MAP2: variants seen among roughly 807,000 people sequenced by gnomAD.
MAP2 encodes microtubule-associated protein 2.
A neutral mutation model predicts 137.6 loss-of-function variants in MAP2; 14 were observed. The ratio of observed to expected loss-of-function variants is 0.10; its 90% CI spans 0.07 to 0.16. The LOEUF is 0.16. Ranked by LOEUF, MAP2 falls within the 10% of genes least tolerant of loss-of-function variation. MAP2 has a pLI of 1.00. For synonymous variants in MAP2, 786 were observed against 782.3 expected (o/e 1.00, Z -0.08); for missense variants, 2,088 against 2,191.5 (o/e 0.95, Z 0.94).
chr2:209,429,553 A>C (rs1024273791), intron 1 of MAP2, among the ~76,000 whole-genome samples: 3 of 152,174 alleles, frequency 2.0e-5, no homozygotes, highest in African/African-American at 7.2e-5. Flanking sequence ...AAATATTCCT[A>C]ATTACATTTC....
chr2:209,607,835 A>T (rs1455705393), intron 3 of MAP2, among the ~76,000 whole-genome samples: 1 of 152,192 alleles, frequency 6.6e-6, no homozygotes, highest in East Asian at 1.9e-4. Flanking sequence ...CCTAATTCTG[A>T]AAGCCCCAGT....
In MAP2 at chr2:209,636,578, T is replaced by TAC. The variant is rs199977019; in HGVS notation, c.-30+11462_-30+11463dup. Among the ~76,000 whole-genome samples the TAC allele has an allele frequency of 5.8e-4, 84 of 144,750 alleles. 1 individual carries two copies. The highest frequency in any genetic ancestry group is 1.8e-3 in the African/African-American group (66 of 37,240). The allele number at this position is 144,750 out of a possible 152,430, so 95.0% of individuals were successfully genotyped here. ...TACGTATATATTATATATATATATATACACACACACACACTTATAAGCAAC... is the reference window on the plus strand; with the variant it reads ...TACGTATATATTATATATATATATATACACACACACACACACTTATAAGCAAC... On this transcript the variant is annotated intron_variant, in intron 4 of 15. Transcript: ENST00000682079.
rs1298683768 is a variant in MAP2 at position 209,693,680 on chromosome 2, G to C, written c.1510G>C (p.Glu504Gln). ...ACAGGACTCGTTCCCTGTAAGTTTG[G>C]AGCAAGCAGTTACAGATTCAGCCAT... Reference protein sequence around the residue: ...LKQDSFPVSLEQAVTDSAMTS... With the variant: ...LKQDSFPVSLQQAVTDSAMTS... The change falls in exon 8 of 16, where the codon GAG (glutamate) becomes CAG (glutamine). Residue 504 changes from glutamate (E) to glutamine (Q), a missense_variant. Around this residue, in one of 6 missense-constraint regions of MAP2, gnomAD observed 859 missense variants for 794.5 expected, o/e 1.08. Transcript: ENST00000682079. 2.5e-6 allele frequency: 4 copies of C among 1,613,564 alleles called. No homozygotes were observed. Among genetic ancestry groups the C allele is most frequent in the Admixed American group, 3.3e-5 (2 of 59,962 alleles).
At chr2:209,547,026 A>G (rs959326075) in intron 2 of MAP2, among the ~76,000 whole-genome samples, 4 of 152,242 alleles carry the variant, frequency 2.6e-5, no homozygotes, top group Admixed American at 6.5e-5. Context: ...TTTGGAAAGA[A>G]AATAGAATTC....
intron 11 of MAP2, chr2:209,704,592 G>T (rs140853125): frequency 6.2e-7 from 1 of 1,603,894 alleles, no homozygotes; most frequent in Admixed American, 1.7e-5. Flanking sequence ...TCCACAGACC[G>T]TTTGCCATAC....
intron 2 of MAP2, among the ~76,000 whole-genome samples, chr2:209,528,139 C>T (rs771766130): frequency 2.5e-4 from 33 of 132,436 alleles, no homozygotes; most frequent in Non-Finnish European, 4.6e-4. Context: ...ATTCAAGTTT[C>T]TAGAAGACTG....
At chr2:209,660,987 G>T (rs904345728) in intron 5 of MAP2, among the ~76,000 whole-genome samples, 4 of 148,526 alleles carry the variant, frequency 2.7e-5, no homozygotes, top group African/African-American at 7.5e-5. Flanking sequence ...CTCGTGATCC[G>T]CCCGCCTCGG....
intron 2 of MAP2, among the ~76,000 whole-genome samples, chr2:209,551,378 G>A (rs2069134589): frequency 6.6e-6 from 1 of 152,028 alleles, no homozygotes. Context: ...TTTAAGGGTA[G>A]CATACATAAA....
intron 1 of MAP2, among the ~76,000 whole-genome samples, chr2:209,466,674 C>T (rs1452158825): frequency 6.6e-6 from 1 of 152,154 alleles, no homozygotes; most frequent in Non-Finnish European, 1.5e-5. Flanking sequence ...TGAGTGATTC[C>T]ATGATCTAAA....
intron 1 of MAP2, among the ~76,000 whole-genome samples, chr2:209,451,723 G>A (rs1002024923): frequency 6.6e-6 from 1 of 152,194 alleles, no homozygotes; most frequent in East Asian, 1.9e-4. Flanking sequence ...CAAACTTGCT[G>A]CTGGGTGTAT....
chr2:209,647,074 C>A (rs996782662), intron 4 of MAP2, among the ~76,000 whole-genome samples: 1 of 152,114 alleles, frequency 6.6e-6, no homozygotes, highest in African/African-American at 2.4e-5. Flanking sequence ...AAAGGGGGAG[C>A]AAGCACCTCA....
In MAP2 at chr2:209,619,424, T is replaced by C. The variant is rs181305374; in HGVS notation, c.-106-5629T>C. Among the ~76,000 whole-genome samples, 217 of 152,154 alleles carry C rather than the reference T, an allele frequency of 1.4e-3. 1 individual carries two copies. Among genetic ancestry groups the C allele is most frequent in the African/African-American group, 5.0e-3 (208 of 41,514 alleles). On this transcript the variant is annotated intron_variant, in intron 3 of 15. Transcript: ENST00000682079. ...TAATTTTATCTGCTAATTGAATAAA[T>C]AATAAAAGTTTGGTGTTTTGTATGC...
intron 1 of MAP2, among the ~76,000 whole-genome samples, chr2:209,425,486 A>G (rs554069116): frequency 1.1e-3 from 167 of 152,304 alleles, no homozygotes; most frequent in Non-Finnish European, 2.2e-3. Flanking sequence ...GTGCAAAACA[A>G]AAAAATATTG....
intron 3 of MAP2, among the ~76,000 whole-genome samples, chr2:209,587,802 T>C (rs1443607656): frequency 2.0e-5 from 3 of 152,234 alleles, no homozygotes; most frequent in Non-Finnish European, 2.9e-5. Context: ...GTTCTCTCTC[T>C]GGACCATGCC....
chr2:209,531,027 C>T (rs899434699), intron 2 of MAP2, among the ~76,000 whole-genome samples: 3 of 152,114 alleles, frequency 2.0e-5, no homozygotes, highest in Non-Finnish European at 4.4e-5. Flanking sequence ...CCACTATTTT[C>T]GCCAATGCTG....
At chr2:209,497,329 T>C (rs963137170) in intron 1 of MAP2, among the ~76,000 whole-genome samples, 5 of 152,276 alleles carry the variant, frequency 3.3e-5, no homozygotes, top group Admixed American at 3.3e-4. Context: ...TTCTCCGCCA[T>C]GTGAGGATAT....
chr2:209,695,004 G>T lies in MAP2; in HGVS notation c.2834G>T (p.Gly945Val), dbSNP rs147371599. Residue 945 changes from glycine to valine, a missense_variant, in exon 8 of 16, where the codon GGA becomes GTA. Gly to Val is a moderately radical substitution (Grantham distance 109). Coordinates refer to ENST00000682079, the MANE Select transcript of MAP2 (RefSeq NM_001375505.1). ...GCGCATATCTCTGGTGACAAATCAG[G>T]ACTGAGTAAGGAGTTTGACCAAGAG... ...ASAHISGDKS[G>V]LSKEFDQEKK... 2.0e-5 allele frequency: 32 copies of T among 1,614,138 alleles called. No individual in the cohort carries two copies. Among genetic ancestry groups the T allele is most frequent in the Non-Finnish European group, 2.6e-5 (31 of 1,180,026 alleles).
At chr2:209,497,680 G>A (rs1559238503) in intron 1 of MAP2, among the ~76,000 whole-genome samples, 1 of 152,144 alleles carries the variant, frequency 6.6e-6, no homozygotes, top group African/African-American at 2.4e-5. Context: ...GGCACTTCAT[G>A]TAGTCAAAGC....
At chr2:209,556,927 A>T (rs1479242583) in intron 2 of MAP2, among the ~76,000 whole-genome samples, 1 of 152,056 alleles carries the variant, frequency 6.6e-6, no homozygotes, top group East Asian at 1.9e-4. Flanking sequence ...CATTCTCCTA[A>T]TGGAAATACA....
Sources: allele counts gnomAD v4.1 joint callset (sites outside exome capture counted in the v4.1 genomes callset), GRCh38; gene constraint gnomAD v4.1.1; regional missense constraint gnomAD v4.1.1; transcripts MANE v1.5; gene names NCBI Gene and HGNC (gene_info 2026-07-23, HGNC 2026-07-21).